Variants in HERPUD2 observed in about 807,000 individuals in gnomAD.
HERPUD2 encodes the protein HERPUD family member 2.
A neutral mutation model predicts 49.9 loss-of-function variants in HERPUD2; 13 were observed. That is an observed-to-expected ratio of 0.26 (90% CI 0.17 to 0.41). The LOEUF (loss-of-function observed/expected upper bound fraction) is 0.41, where lower values mean the gene tolerates loss of function less well. Among genes scored for constraint, HERPUD2 ranks in the 10% least tolerant of loss-of-function variants. The pLI, the probability that HERPUD2 is intolerant of heterozygous loss-of-function variation, is 1.00. For synonymous variants in HERPUD2, 172 were observed against 171.4 expected, an observed-to-expected ratio of 1.00 and a Z score of -0.03; for missense variants, 449 against 492.2, an observed-to-expected ratio of 0.91 and a Z score of 0.83.
chr7:35,633,480 G>A lies in HERPUD2; in HGVS notation c.*210C>T, dbSNP rs1335993761. The A allele has an allele frequency of 7.7e-6, 3 of 389,642 alleles. No individual in the cohort carries two copies. Among genetic ancestry groups the A allele is most frequent in the African/African-American group, 7.0e-5 (3 of 43,078 alleles). 24.1% of individuals were successfully genotyped at this position (389,642 alleles called of 1,614,324 possible). A position where few individuals can be genotyped will look rare whatever the true frequency, so the allele number is the denominator to read the frequency against. On this transcript the variant is annotated 3_prime_UTR_variant, in exon 9 of 9. Transcript: ENST00000311350. ...GACCAATATTGTTACGCTATGTTCT[G>A]TTAGGATCTTTAAAAAAAAAAAAAA... is the stretch of plus-strand genomic sequence containing the variant.
chr7:35,645,290 C>T (rs1353607129), intron 5 of HERPUD2, among the ~76,000 whole-genome samples: 1 of 152,048 alleles, frequency 6.6e-6, no homozygotes, highest in Admixed American at 6.6e-5. Flanking sequence ...GAATGCTGTG[C>T]AATTAATAAA....
chr7:35,638,362 T>C lies in HERPUD2; in HGVS notation c.605A>G (p.Tyr202Cys). Reference sequence around the variant, plus strand: ...CAGATTAACTTACTACTGCATATAATACTGATGAGCATACATCTGTTGCCA... The same window carrying C: ...CAGATTAACTTACTACTGCATATAACACTGATGAGCATACATCTGTTGCCA... ...LWWQQMYAHQ[Y>C]YMQYQAAVSA... Residue 202 changes from tyrosine to cysteine, a missense_variant, in exon 6 of 9, where the codon TAT becomes TGT. Tyr to Cys is a radical substitution (Grantham distance 194, BLOSUM62 -2). Transcript: ENST00000311350. The C allele has an allele frequency of 6.2e-7, 1 of 1,611,012 alleles. No homozygotes were observed. The highest frequency in any genetic ancestry group is 8.5e-7 in the Non-Finnish European group (1 of 1,177,888).
Position 35,694,250 on chromosome 7 carries a change from G to C in HERPUD2, c.81C>G (p.Ser27Arg). The change falls in exon 2 of 9, where the codon AGC becomes AGG. Residue 27 changes from serine (S) to arginine (R), a missense_variant. Transcript: ENST00000311350. ...TCCCCACGGTCCAGTTCAAGAAGCA[G>C]CTAATAGTCTGGTCACTGTATTTCT... The part of the protein sequence containing the change: ...PNQKYSDQTI[S>R]CFLNWTVGKL... 1 of 1,614,076 alleles carries C rather than the reference G, an allele frequency of 6.2e-7. No individual in the cohort carries two copies. Among genetic ancestry groups the C allele is most frequent in the South Asian group, 1.1e-5 (1 of 91,070 alleles).
chr7:35,692,241 C>G (rs778853561), intron 2 of HERPUD2, among the ~76,000 whole-genome samples: 11 of 152,292 alleles, frequency 7.2e-5, no homozygotes, highest in Non-Finnish European at 1.5e-4. Context: ...ACAGGCAGAC[C>G]TCCTGCCAAA....
chr7:35,661,154 G>T (rs1785410665), intron 5 of HERPUD2, among the ~76,000 whole-genome samples: 2 of 152,090 alleles, frequency 1.3e-5, no homozygotes, highest in Non-Finnish European at 2.9e-5. Flanking sequence ...CCCATTTCTT[G>T]TTTTCGTCAG....
At position 35,633,687 on chromosome 7, in the gene HERPUD2, A is replaced by C; in HGVS notation, c.*3T>G. The C allele has an allele frequency of 6.2e-7, 1 of 1,610,890 alleles. No individual in the cohort carries two copies. Among genetic ancestry groups the C allele is most frequent in the Non-Finnish European group, 8.5e-7 (1 of 1,178,716 alleles). ...CTCCTTGTAGCTGGCACAGTTTTTCAGGTCAATTGGCAACCTGGGGAGGCC... is the reference window on the plus strand; with the variant it reads ...CTCCTTGTAGCTGGCACAGTTTTTCCGGTCAATTGGCAACCTGGGGAGGCC... On this transcript the variant is annotated 3_prime_UTR_variant, in exon 9 of 9. Coordinates refer to ENST00000311350, the MANE Select transcript of HERPUD2 (RefSeq NM_022373.5).
At chr7:35,643,611 T>TACAC (rs369044326) in intron 5 of HERPUD2, among the ~76,000 whole-genome samples, 1 of 149,708 alleles carries the variant, frequency 6.7e-6, no homozygotes, top group African/African-American at 2.4e-5. Flanking sequence ...TATATGTGTG[T>TACAC]ACACACACAC....
chr7:35,687,519 A>G (rs1786089113), intron 2 of HERPUD2, among the ~76,000 whole-genome samples: 1 of 152,234 alleles, frequency 6.6e-6, no homozygotes, highest in Non-Finnish European at 1.5e-5. Flanking sequence ...AGTGGCCCAG[A>G]AACAGAAATA....
intron 3 of HERPUD2, among the ~76,000 whole-genome samples, chr7:35,670,923 G>A (rs1290403171): frequency 2.0e-5 from 3 of 151,862 alleles, no homozygotes; most frequent in African/African-American, 7.3e-5. Flanking sequence ...ATAACGATTA[G>A]GGTTGGCATT....
chr7:35,634,088 G>GA (rs150004136), intron 8 of HERPUD2, among the ~76,000 whole-genome samples: 31 of 150,838 alleles, frequency 2.1e-4, no homozygotes, highest in Admixed American at 5.3e-4. Context: ...CTATTTTCAA[G>GA]AAAAAAAAAG....
chr7:35,649,009 T>C (rs1785108344), intron 5 of HERPUD2, among the ~76,000 whole-genome samples: 1 of 152,228 alleles, frequency 6.6e-6, no homozygotes, highest in African/African-American at 2.4e-5. Context: ...CCCAGCACTT[T>C]GGGAGGCCCA....
chr7:35,689,060 A>G (rs145621954), intron 2 of HERPUD2, among the ~76,000 whole-genome samples: 182 of 152,352 alleles, frequency 1.2e-3, no homozygotes, highest in African/African-American at 4.3e-3. Flanking sequence ...AGCATTCTAG[A>G]CAATCAAAGC....
At chr7:35,684,157 CG>C (rs1785978334) in intron 2 of HERPUD2, among the ~76,000 whole-genome samples, 1 of 151,374 alleles carries the variant, frequency 6.6e-6, no homozygotes, top group Non-Finnish European at 1.5e-5. Context: ...GAGGCCGAGG[CG>C]GGTGGATCAT....
intron 2 of HERPUD2, among the ~76,000 whole-genome samples, chr7:35,679,946 C>G (rs1027630906): frequency 6.6e-6 from 1 of 152,144 alleles, no homozygotes. Flanking sequence ...ATTGTCAAAT[C>G]CTATAGACTC....
chr7:35,687,127 C>T (rs906085588), intron 2 of HERPUD2, among the ~76,000 whole-genome samples: 12 of 151,988 alleles, frequency 7.9e-5, no homozygotes, highest in African/African-American at 2.7e-4. Context: ...ATAACAAATC[C>T]CAAGATCTCA....
At chr7:35,670,187 A>C in intron 4 of HERPUD2, 28 bp downstream of exon 4, 1 of 1,141,056 alleles carries the variant, frequency 8.8e-7, no homozygotes, top group Non-Finnish European at 1.3e-6. Context: ...AGAAAAGTTC[A>C]ATGTTTACTC....
intron 5 of HERPUD2, among the ~76,000 whole-genome samples, chr7:35,664,463 T>C (rs549021536): frequency 6.6e-6 from 1 of 152,244 alleles, no homozygotes; most frequent in African/African-American, 2.4e-5. Flanking sequence ...GAAGTTCTCC[T>C]GGATGATATC....
intron 2 of HERPUD2, among the ~76,000 whole-genome samples, chr7:35,677,994 A>T (rs1785802398): frequency 6.6e-6 from 1 of 152,220 alleles, no homozygotes; most frequent in African/African-American, 2.4e-5. Flanking sequence ...TAACAACGGA[A>T]ATGCACATAA....
rs557333766 is a variant in HERPUD2 at position 35,664,595 on chromosome 7, A to G, written c.494+2839T>C. 1.1e-4 allele frequency among the ~76,000 whole-genome samples: 17 copies of G among 151,210 alleles called. No individual in the cohort carries two copies. The South Asian group carries it at 3.4e-3, about 30-fold the overall frequency. ...TTGGAGGCTTTGTTCATTTCTTTTT[A>G]CTCTTTTTTCTCTAAACTTCTCTTC... On this transcript the variant is annotated intron_variant, in intron 5 of 8. Transcript: ENST00000311350.
Sources: gnomAD v4.1 joint callset for allele counts (sites outside exome capture counted in the v4.1 genomes callset) on GRCh38, gnomAD v4.1.1 for gene constraint, MANE v1.5 for transcripts, NCBI Gene and HGNC (gene_info 2026-07-23, HGNC 2026-07-21) for gene names.